Variants in NUP214 observed in about 807,000 individuals in gnomAD.
NUP214 encodes nuclear pore complex protein Nup214.
Under a neutral mutation model 196.2 loss-of-function variants are expected in NUP214, and 79 were observed. That is an observed-to-expected ratio of 0.40 (90% CI 0.34 to 0.49). The LOEUF (loss-of-function observed/expected upper bound fraction) is 0.49. Ranked by LOEUF, NUP214 falls within the 20% of genes least tolerant of loss-of-function variation. The pLI, the probability that NUP214 is intolerant of heterozygous loss-of-function variation, is 0.58. For missense variants in NUP214, 2,468 were observed against 2,539.0 expected, an observed-to-expected ratio of 0.97 and a Z score of 0.60; for synonymous variants, 1,020 against 990.5, an observed-to-expected ratio of 1.03 and a Z score of -0.56.
chr9:131,231,207 T>A (rs963845284), intron 34 of NUP214, among the ~76,000 whole-genome samples: 1 of 151,596 alleles, frequency 6.6e-6, no homozygotes, highest in Non-Finnish European at 1.5e-5. Context: ...ATATATATAT[T>A]TTTGAGACGG....
At chr9:131,218,381 A>G (rs1389394185) in intron 31 of NUP214, among the ~76,000 whole-genome samples, 1 of 152,152 alleles carries the variant, frequency 6.6e-6, no homozygotes, top group Non-Finnish European at 1.5e-5. Context: ...TCCTCACCAC[A>G]GTACTCAGGA....
chr9:131,194,770 C>T (rs1833727442), intron 27 of NUP214, among the ~76,000 whole-genome samples: 1 of 152,182 alleles, frequency 6.6e-6, no homozygotes, highest in African/African-American at 2.4e-5. Context: ...CAGTGTGGGG[C>T]TCTCTGACAT....
chr9:131,142,828 G>T (rs531811712), intron 11 of NUP214, among the ~76,000 whole-genome samples: 55 of 152,148 alleles, frequency 3.6e-4, no homozygotes, highest in South Asian at 6.2e-4. Flanking sequence ...TAAGTATTAC[G>T]TTGCATTAGA....
intron 7 of NUP214, 120 bp from the exon 8 acceptor site, chr9:131,134,778 C>G: frequency 1.5e-6 from 1 of 677,916 alleles, no homozygotes; most frequent in Admixed American, 2.5e-5. Context: ...GTCCGTATAT[C>G]TGGACTTTGA....
At chr9:131,161,286 C>A (rs1407263172) in intron 18 of NUP214, among the ~76,000 whole-genome samples, 1 of 140,826 alleles carries the variant, frequency 7.1e-6, no homozygotes, top group Non-Finnish European at 1.5e-5. Context: ...GAGACTAAGT[C>A]TCGCTGTGTC....
intron 18 of NUP214, among the ~76,000 whole-genome samples, 174 bp downstream of exon 18, chr9:131,159,660 C>T (rs1376260111): frequency 6.6e-6 from 1 of 152,148 alleles, no homozygotes; most frequent in African/African-American, 2.4e-5. Flanking sequence ...GAGTTCGAGA[C>T]CAGCCTGACC....
At chr9:131,196,280 T>A (rs1184215740) in intron 28 of NUP214, among the ~76,000 whole-genome samples, 1 of 151,944 alleles carries the variant, frequency 6.6e-6, no homozygotes, top group East Asian at 1.9e-4. Flanking sequence ...TGCCTCAGCC[T>A]CCCTAGTAGC....
chr9:131,214,459 C>G (rs1260302062), intron 30 of NUP214, among the ~76,000 whole-genome samples: 2 of 152,154 alleles, frequency 1.3e-5, no homozygotes, highest in African/African-American at 4.8e-5. Context: ...GCACAGTGGC[C>G]CCTTTCCAAA....
intron 24 of NUP214, among the ~76,000 whole-genome samples, chr9:131,183,097 AC>A (rs1280093851): frequency 1.3e-5 from 2 of 151,530 alleles, no homozygotes; most frequent in African/African-American, 4.9e-5. Context: ...CCTCCCCACT[AC>A]CCCCCAGATG....
intron 7 of NUP214, chr9:131,133,502 C>T (rs1831624334): frequency 1.0e-5 from 2 of 199,906 alleles, no homozygotes; most frequent in Non-Finnish European, 2.0e-5. Flanking sequence ...TGGAGTTTCA[C>T]CATGTTGCCC....
chr9:131,188,228 A>G (rs1428882886), intron 25 of NUP214, among the ~76,000 whole-genome samples: 1 of 152,240 alleles, frequency 6.6e-6, no homozygotes. Context: ...CAGAGTTTGC[A>G]TATTTTTAGT....
In NUP214 at chr9:131,189,123, A is replaced by T; in HGVS notation, c.3566A>T (p.Lys1189Ile). ...TCCGGTCAGTTATCATCTGGTGACA[A>T]AGCTTCAGGTCAGTTTGCATTTTTG... is the stretch of plus-strand genomic sequence containing the variant. ...PASGQLSSGD[K>I]ASGTAKIETA... is the part of the protein sequence containing the mutation. The change falls in exon 26 of 36, where the codon AAA becomes ATA. Residue 1189 changes from lysine to isoleucine, a missense_variant. By Grantham distance (102) the Lys-to-Ile change is moderately radical. Transcript: ENST00000359428. 1 of 1,613,990 alleles carries T rather than the reference A, an allele frequency of 6.2e-7. No individual in the cohort carries two copies. Among genetic ancestry groups the T allele is most frequent in the Non-Finnish European group, 8.5e-7 (1 of 1,179,864 alleles).
chr9:131,164,029 T>TA, intron 20 of NUP214, 32 bp from the exon 21 acceptor site: 1 of 1,613,742 alleles, frequency 6.2e-7, no homozygotes, highest in Non-Finnish European at 8.5e-7. Context: ...AACTGAGTCT[T>TA]AATCATTTAT....
chr9:131,153,340 A>G (rs1832329487), intron 17 of NUP214: 1 of 151,852 alleles, frequency 6.6e-6, no homozygotes, highest in African/African-American at 2.4e-5. Context: ...ACACCTGGTC[A>G]ACTTACTGAA....
chr9:131,206,131 G>GT (rs1834072951), intron 30 of NUP214, among the ~76,000 whole-genome samples: 2 of 66,082 alleles, frequency 3.0e-5, no homozygotes, highest in Non-Finnish European at 6.1e-5. Flanking sequence ...ATTCCACATA[G>GT]AATTTTTTTC....
At position 131,125,628 on chromosome 9, in the gene NUP214, C is replaced by T. The variant is rs1255850413; in HGVS notation, c.-77C>T. The stretch of plus-strand genomic sequence containing the variant: ...GCTGGCGCTGAGGGGAGGAAGTTTG[C>T]TGTCGAGCGGCCTGGGTTCCGTGGG... On this transcript the variant is annotated 5_prime_UTR_variant, in exon 1 of 36. Transcript: ENST00000359428. This position sits in a 1 kb window ranked among gnomAD's most constrained non-coding sequence, Gnocchi z 4.1. 7 of 1,547,848 alleles carry T rather than the reference C, an allele frequency of 4.5e-6. No homozygotes were observed. The highest frequency in any genetic ancestry group is 2.0e-5 in the Admixed American group (1 of 50,530).
intron 14 of NUP214, among the ~76,000 whole-genome samples, chr9:131,148,819 G>A (rs888441231): frequency 3.9e-5 from 6 of 151,982 alleles, no homozygotes; most frequent in Non-Finnish European, 5.9e-5. Context: ...GTGCAAATAT[G>A]TTCTCACTGT....
intron 11 of NUP214, among the ~76,000 whole-genome samples, chr9:131,143,015 T>C (rs1363643813): frequency 1.3e-5 from 2 of 152,190 alleles, no homozygotes; most frequent in Non-Finnish European, 2.9e-5. Context: ...AAAAAAATTA[T>C]TCATTTTTGA....
chr9:131,166,316 C>T (rs2133564552), intron 21 of NUP214, among the ~76,000 whole-genome samples: 1 of 152,268 alleles, frequency 6.6e-6, no homozygotes, highest in South Asian at 2.1e-4. Context: ...GTTCACAAAT[C>T]TTTAGCCCAC....
Sources: gnomAD v4.1 joint callset for allele counts (sites outside exome capture counted in the v4.1 genomes callset) on GRCh38, gnomAD v4.1.1 for gene constraint, Gnocchi (gnomAD v3.1) non-coding constraint, MANE v1.5 for transcripts, NCBI Gene and HGNC (gene_info 2026-07-23, HGNC 2026-07-21) for gene names.